ARIH2: variants seen among roughly 807,000 people sequenced by gnomAD.
ARIH2 encodes the protein ariadne RBR E3 ubiquitin protein ligase 2, also known as E3 ubiquitin-protein ligase ARIH2.
A neutral mutation model predicts 79.8 loss-of-function variants in ARIH2; 12 were observed. The ratio of observed to expected loss-of-function variants is 0.15; its 90% CI spans 0.10 to 0.24. ARIH2 has a LOEUF of 0.24. ARIH2 is among the 10% of genes least tolerant of loss of function. The pLI is 1.00. For missense variants in ARIH2, 301 were observed against 618.3 expected (o/e 0.49, Z 5.44); for synonymous variants, 224 against 213.9 (o/e 1.05, Z -0.41).
rs889105002 is a variant in ARIH2 at position 48,985,414 on chromosome 3, C to G, written c.*2144C>G. On this transcript the variant is annotated 3_prime_UTR_variant, in exon 16 of 16. Coordinates refer to ENST00000356401, the MANE Select transcript of ARIH2 (RefSeq NM_006321.4). ...CCTACAAAGGGTGGAAGAGAAAGGACACAGTATTTTCATGAATTTACCATA... is the reference window on the plus strand; with the variant it reads ...CCTACAAAGGGTGGAAGAGAAAGGAGACAGTATTTTCATGAATTTACCATA... The G allele has an allele frequency of 6.6e-6, 1 of 152,188 alleles. No homozygotes were observed. Among genetic ancestry groups the G allele is most frequent in the African/African-American group, 2.4e-5 (1 of 41,436 alleles). 9.4% of individuals were successfully genotyped at this position (152,188 alleles called of 1,614,324 possible).
In ARIH2 at chr3:48,918,997, C is replaced by A; in HGVS notation, c.-163C>A. On this transcript the variant is annotated splice_region_variant and 5_prime_UTR_variant, in exon 1 of 16. Coordinates refer to ENST00000356401, the MANE Select transcript of ARIH2 (RefSeq NM_006321.4). ...TCAGCGGCCGCGAGGCCGCAGCTCCCGGTAAGTGCGCGGCGCACGTCACGG... is the reference window on the plus strand; with the variant it reads ...TCAGCGGCCGCGAGGCCGCAGCTCCAGGTAAGTGCGCGGCGCACGTCACGG... 4 of 1,436,370 alleles carry A rather than the reference C, an allele frequency of 2.8e-6. No homozygotes were observed. In the East Asian group the frequency reaches 7.6e-5, roughly 27 times the overall value. The allele number at this position is 1,436,370 out of a possible 1,614,324, so 89.0% of individuals were successfully genotyped here.
chr3:48,931,985 G>A (rs911087779), intron 3 of ARIH2, among the ~76,000 whole-genome samples: 3 of 152,276 alleles, frequency 2.0e-5, no homozygotes, highest in Middle Eastern at 3.4e-3. Flanking sequence ...CTCCAGCCTG[G>A]GTGACAGAGC....
chr3:48,939,279 T>C (rs1466177523), intron 3 of ARIH2, among the ~76,000 whole-genome samples: 2 of 151,516 alleles, frequency 1.3e-5, no homozygotes, highest in Non-Finnish European at 2.9e-5. Context: ...TTTTAAGAAA[T>C]GAGATAAACT....
intron 7 of ARIH2, among the ~76,000 whole-genome samples, chr3:48,969,673 A>C (rs1045727416): frequency 6.6e-6 from 1 of 151,888 alleles, no homozygotes; most frequent in Non-Finnish European, 1.5e-5. Context: ...TTTTTCGTAA[A>C]GATGGGTGTT....
At chr3:48,924,930 G>C (rs998130743) in intron 2 of ARIH2, 1 of 152,230 alleles carries the variant, frequency 6.6e-6, no homozygotes, top group East Asian at 1.9e-4. Flanking sequence ...TCCTGACCTC[G>C]TGATCTGCCT....
Position 48,927,634 on chromosome 3 carries a change from G to C in ARIH2, c.76G>C (p.Glu26Gln). Residue 26 changes from glutamate (E) to glutamine (Q), a missense_variant, in exon 3 of 16, where the codon GAA becomes CAA. By Grantham distance (29) the Glu-to-Gln change is conservative. Transcript: ENST00000356401. ...DYDPNCEEEEEEEEDDPGDIE... is the reference protein window; with the variant it reads ...DYDPNCEEEEQEEEDDPGDIE... ...TGACCCAAATTGTGAGGAAGAGGAA[G>C]AAGAAGAAGAAGACGACCCTGGGGA... 6.2e-7 allele frequency: 1 copy of C among 1,613,792 alleles called. No individual in the cohort carries two copies. The highest frequency in any genetic ancestry group is 8.5e-7 in the Non-Finnish European group (1 of 1,179,844).
At chr3:48,958,864 A>C (rs2090918751) in intron 3 of ARIH2, among the ~76,000 whole-genome samples, 1 of 152,012 alleles carries the variant, frequency 6.6e-6, no homozygotes, top group Non-Finnish European at 1.5e-5. Flanking sequence ...AATATAAAAA[A>C]ATTAGCTGGA....
At chr3:48,935,564 AT>A (rs1294987567) in intron 3 of ARIH2, among the ~76,000 whole-genome samples, 1 of 152,138 alleles carries the variant, frequency 6.6e-6, no homozygotes, top group Non-Finnish European at 1.5e-5. Context: ...TGGTCAGATG[AT>A]TGGGTTCCAG....
chr3:48,945,207 G>C, intron 3 of ARIH2: 1 of 1,289,294 alleles, frequency 7.8e-7, no homozygotes, highest in South Asian at 1.2e-5. Context: ...GCTGGTGACA[G>C]TTTTGGTGGG....
At chr3:48,942,602 C>T (rs2107256964) in intron 3 of ARIH2, among the ~76,000 whole-genome samples, 1 of 150,316 alleles carries the variant, frequency 6.7e-6, no homozygotes, top group East Asian at 2.0e-4. Flanking sequence ...CCTCAGTCTC[C>T]TGAGTAGGTG....
At chr3:48,928,353 GA>G (rs768194093) in intron 3 of ARIH2, among the ~76,000 whole-genome samples, 2 of 152,092 alleles carry the variant, frequency 1.3e-5, no homozygotes, top group Non-Finnish European at 2.9e-5. Context: ...AAATTGTAAA[GA>G]ATGAACAAAG....
chr3:48,974,913 G>C (rs748850950), intron 10 of ARIH2, 45 bp from the exon 11 acceptor site: 3 of 1,614,068 alleles, frequency 1.9e-6, no homozygotes, highest in Non-Finnish European at 2.5e-6. Context: ...TGGAAGCTTT[G>C]GTCAGTGTGC....
At chr3:48,952,143 T>C (rs2090040284) in intron 3 of ARIH2, among the ~76,000 whole-genome samples, 1 of 152,252 alleles carries the variant, frequency 6.6e-6, no homozygotes, top group Non-Finnish European at 1.5e-5. Flanking sequence ...ATTTTTGTTA[T>C]TCAGTTCAAA....
chr3:48,983,393 A>G lies in ARIH2; in HGVS notation c.*123A>G, dbSNP rs2092818718. 1 of 859,372 alleles carries G rather than the reference A, an allele frequency of 1.2e-6. No individual in the cohort carries two copies. The highest frequency in any genetic ancestry group is 1.9e-6 in the Non-Finnish European group (1 of 517,048). The allele number at this position is 859,372 out of a possible 1,614,324, so 53.2% of individuals were successfully genotyped here. ...CAACAGCCAGGGCCCCACTCCTGAG[A>G]GACACTGGCAACACCTCTTAGTTGA... On this transcript the variant is annotated 3_prime_UTR_variant, in exon 16 of 16. Transcript: ENST00000356401.
Position 48,984,847 on chromosome 3 carries a change from G to A in ARIH2, c.*1577G>A, listed in dbSNP as rs1460287202. The A allele has an allele frequency of 6.6e-6, 1 of 152,234 alleles. No homozygotes were observed. The highest frequency in any genetic ancestry group is 1.9e-4 in the East Asian group (1 of 5,200). The allele number at this position is 152,234 out of a possible 1,614,324, so 9.4% of individuals were successfully genotyped here. The stretch of plus-strand genomic sequence containing the variant: ...ATTCTTAAAGACAGAGGATAGCTGT[G>A]ACTCATGGGATCATGAGGTCCATGG... On this transcript the variant is annotated 3_prime_UTR_variant, in exon 16 of 16. Coordinates refer to ENST00000356401, the MANE Select transcript of ARIH2 (RefSeq NM_006321.4).
At chr3:48,955,307 CAT>C (rs912491602) in intron 3 of ARIH2, among the ~76,000 whole-genome samples, 2 of 151,770 alleles carry the variant, frequency 1.3e-5, no homozygotes, top group African/African-American at 4.8e-5. Flanking sequence ...ACATTGGTCA[CAT>C]GTGTTCCTTC....
At chr3:48,962,606 G>C (rs1314044582) in intron 4 of ARIH2, among the ~76,000 whole-genome samples, 2 of 152,128 alleles carry the variant, frequency 1.3e-5, no homozygotes, top group Non-Finnish European at 2.9e-5. Flanking sequence ...GTCTAGCACA[G>C]TGTTTCTCAT....
intron 3 of ARIH2, among the ~76,000 whole-genome samples, chr3:48,941,972 G>A (rs1344898916): frequency 1.3e-5 from 2 of 150,168 alleles, no homozygotes; most frequent in East Asian, 2.0e-4. Context: ...TGCACCCTCC[G>A]CCCCCCGAGT....
chr3:48,966,841 G>A (rs1474387189), intron 5 of ARIH2, among the ~76,000 whole-genome samples: 1 of 152,150 alleles, frequency 6.6e-6, no homozygotes, highest in Non-Finnish European at 1.5e-5. Flanking sequence ...GAGTTTTTCA[G>A]TCTGCCATTA....
Sources: gnomAD v4.1 joint callset for allele counts (sites outside exome capture counted in the v4.1 genomes callset) on GRCh38, gnomAD v4.1.1 for gene constraint, MANE v1.5 for transcripts, NCBI Gene and HGNC (gene_info 2026-07-23, HGNC 2026-07-21) for gene names.